Variants in GALNT11 observed in about 807,000 individuals in gnomAD.
GALNT11 encodes UDP-GalNAc:polypeptide N-acetylgalactosaminyltransferase 11.
A neutral mutation model predicts 72.7 loss-of-function variants in GALNT11; 47 were observed. That is an observed-to-expected ratio of 0.65 (90% CI 0.51 to 0.82). The LOEUF is 0.82. Ranked by LOEUF, GALNT11 falls within the 40% of genes least tolerant of loss-of-function variation. The probability of loss-of-function intolerance (pLI) is 0.00; values close to 1 mark genes in which losing one functional copy is unlikely to be tolerated. For synonymous variants in GALNT11, 270 were observed against 286.6 expected, an observed-to-expected ratio of 0.94 and a Z score of 0.58; for missense variants, 677 against 778.4, an observed-to-expected ratio of 0.87 and a Z score of 1.55.
intron 6 of GALNT11, among the ~76,000 whole-genome samples, chr7:152,109,206 G>A (rs974546842): frequency 1.3e-5 from 2 of 152,246 alleles, no homozygotes; most frequent in African/African-American, 4.8e-5. Context: ...GGACATCCTA[G>A]TGATCAGTCC....
intron 2 of GALNT11, among the ~76,000 whole-genome samples, chr7:152,095,880 G>A (rs1435766491): frequency 6.6e-6 from 1 of 152,078 alleles, no homozygotes; most frequent in African/African-American, 2.4e-5. Flanking sequence ...CTATCGTAAA[G>A]AATCCACAAA....
rs552647850 is a variant in GALNT11 at position 152,050,556 on chromosome 7, C to A, written c.-39+24672C>A. On this transcript the variant is annotated intron_variant, in intron 1 of 11. Coordinates refer to ENST00000430044, the MANE Select transcript of GALNT11 (RefSeq NM_022087.4). The stretch of plus-strand genomic sequence containing the variant: ...TTCCTCAAGTGGAAGGAAAGAGTCT[C>A]CCCTGGAGCTGCGAGCTGCACTGCC... 7.9e-5 allele frequency among the ~76,000 whole-genome samples: 12 copies of A among 152,254 alleles called. No individual in the cohort carries two copies. The East Asian group carries it at 1.9e-3, about 25-fold the overall frequency.
intron 8 of GALNT11, among the ~76,000 whole-genome samples, chr7:152,116,682 A>G (rs1041529997): frequency 5.3e-5 from 8 of 152,226 alleles, no homozygotes; most frequent in Non-Finnish European, 7.3e-5. Flanking sequence ...TTAAAAATAC[A>G]TATATTTAAC....
chr7:152,078,095 G>C (rs377649499), intron 1 of GALNT11, among the ~76,000 whole-genome samples: 91 of 152,030 alleles, frequency 6.0e-4, no homozygotes, highest in Non-Finnish European at 1.1e-3. Context: ...GAAGCGTGAG[G>C]GGGGAAGGCT....
At chr7:152,095,272 G>T (rs1160514223) in intron 2 of GALNT11, among the ~76,000 whole-genome samples, 1 of 151,560 alleles carries the variant, frequency 6.6e-6, no homozygotes, top group Non-Finnish European at 1.5e-5. Flanking sequence ...CAATTTTAGA[G>T]TGTTGATTTT....
intron 1 of GALNT11, among the ~76,000 whole-genome samples, chr7:152,050,336 T>G (rs1374715028): frequency 6.6e-6 from 1 of 152,184 alleles, no homozygotes; most frequent in Non-Finnish European, 1.5e-5. Flanking sequence ...TGATAAATCC[T>G]GCCAGTACTA....
intron 1 of GALNT11, among the ~76,000 whole-genome samples, chr7:152,072,944 C>G (rs1330155400): frequency 6.6e-6 from 1 of 152,208 alleles, no homozygotes. Context: ...TGATTCTTCT[C>G]TGCGACATCG....
intron 1 of GALNT11, among the ~76,000 whole-genome samples, chr7:152,087,820 T>C (rs186672326): frequency 1.7e-4 from 26 of 152,376 alleles, no homozygotes; most frequent in Non-Finnish European, 3.2e-4. Flanking sequence ...CCTTGTGTAA[T>C]TCTGAGTATT....
At chr7:152,109,851 G>A (rs1439414130) in intron 6 of GALNT11, among the ~76,000 whole-genome samples, 4 of 152,154 alleles carry the variant, frequency 2.6e-5, no homozygotes, top group Admixed American at 6.5e-5. Context: ...GGAAGTGAGC[G>A]GACTGGAAGC....
chr7:152,085,960 T>C (rs571150870), intron 1 of GALNT11, among the ~76,000 whole-genome samples: 1 of 151,984 alleles, frequency 6.6e-6, no homozygotes, highest in Non-Finnish European at 1.5e-5. Context: ...CAACCTCGGC[T>C]CACTGCAACC....
At chr7:152,072,332 AG>A (rs377489105) in intron 1 of GALNT11, among the ~76,000 whole-genome samples, 1 of 151,814 alleles carries the variant, frequency 6.6e-6, no homozygotes, top group South Asian at 2.1e-4. Context: ...AAAAAAAAAA[AG>A]AAAAAAGAAA....
intron 1 of GALNT11, among the ~76,000 whole-genome samples, chr7:152,036,214 T>G (rs1342348374): frequency 6.6e-6 from 1 of 152,232 alleles, no homozygotes; most frequent in African/African-American, 2.4e-5. Context: ...ACTATATTTT[T>G]GTATACATTA....
chr7:152,076,432 A>G (rs2084983743), intron 1 of GALNT11, among the ~76,000 whole-genome samples: 1 of 151,748 alleles, frequency 6.6e-6, no homozygotes, highest in African/African-American at 2.4e-5. Context: ...CGTCTAGGAA[A>G]GACAGCCAAT....
chr7:152,099,188 C>T (rs1036915751), intron 2 of GALNT11, among the ~76,000 whole-genome samples: 6 of 152,016 alleles, frequency 3.9e-5, no homozygotes, highest in African/African-American at 1.2e-4. Flanking sequence ...ATGATCCACC[C>T]ACCTTGGCCT....
chr7:152,083,263 A>T (rs2129023658), intron 1 of GALNT11, among the ~76,000 whole-genome samples: 1 of 152,270 alleles, frequency 6.6e-6, no homozygotes, highest in South Asian at 2.1e-4. Context: ...ATAATAGAGG[A>T]ATTTACTCAT....
chr7:152,037,768 A>AT (rs60018395), intron 1 of GALNT11, among the ~76,000 whole-genome samples: 5,056 of 149,690 alleles, frequency 0.034, 280 homozygotes, highest in African/African-American at 0.12. Flanking sequence ...CATGTCTTCA[A>AT]TTTTTTTTTT....
rs555438546 is a variant in GALNT11 at position 152,108,442 on chromosome 7, C to T, written c.962+155C>T. Reference sequence around the variant, plus strand: ...TCTTGAGTACGTATTGAATTTTATGCAGTCTGCCAAGTCCTAAGGAAAGAT... The same window carrying T: ...TCTTGAGTACGTATTGAATTTTATGTAGTCTGCCAAGTCCTAAGGAAAGAT... On this transcript the variant is annotated intron_variant, in intron 6 of 11. Coordinates refer to ENST00000430044, the MANE Select transcript of GALNT11 (RefSeq NM_022087.4). 6.8e-4 allele frequency among the ~76,000 whole-genome samples: 104 copies of T among 152,304 alleles called. 2 individuals carry two copies. The Middle Eastern group carries it at 0.014, about 20-fold the overall frequency.
At position 152,120,844 on chromosome 7, in the gene GALNT11, A is replaced by C; in HGVS notation, c.1571A>C (p.Asn524Thr). ...TTTCTTCTCTAGATCTGGATCTATA[A>C]TGAAGAGCATGAATTGGTTTTAAAT... is the stretch of plus-strand genomic sequence containing the variant. ...YSDPNQIWIY[N>T]EEHELVLNSL... The change falls in exon 11 of 12, where the codon AAT (asparagine) becomes ACT (threonine). Residue 524 changes from asparagine to threonine, a missense_variant. By Grantham distance (65) the Asn-to-Thr change is moderately conservative. Coordinates refer to ENST00000430044, the MANE Select transcript of GALNT11 (RefSeq NM_022087.4). 1 of 1,606,708 alleles carries C rather than the reference A, an allele frequency of 6.2e-7. No individual in the cohort carries two copies. Among genetic ancestry groups the C allele is most frequent in the Non-Finnish European group, 8.5e-7 (1 of 1,173,964 alleles).
chr7:152,121,483 C>T, intron 11 of GALNT11, 63 bp from the exon 12 acceptor site: 2 of 1,570,040 alleles, frequency 1.3e-6, no homozygotes, highest in Non-Finnish European at 1.7e-6. Flanking sequence ...CTCCATCTCT[C>T]CTCTGGATTT....
Sources: gnomAD v4.1 joint callset for allele counts (sites outside exome capture counted in the v4.1 genomes callset) on GRCh38, gnomAD v4.1.1 for gene constraint, MANE v1.5 for transcripts, NCBI Gene and HGNC (gene_info 2026-07-23, HGNC 2026-07-21) for gene names.